Variants in DPP6 observed in about 807,000 individuals in gnomAD.
DPP6 encodes A-type potassium channel modulatory protein DPP6.
A neutral mutation model predicts 122.6 loss-of-function variants in DPP6; 69 were observed. That is an observed-to-expected ratio of 0.56 (90% CI 0.46 to 0.69). The LOEUF (loss-of-function observed/expected upper bound fraction) is 0.69. DPP6 is among the 30% of genes least tolerant of loss of function. The pLI is 0.00. For synonymous variants in DPP6, 418 were observed against 433.1 expected, an observed-to-expected ratio of 0.97 and a Z score of 0.43; for missense variants, 928 against 1,116.9, an observed-to-expected ratio of 0.83 and a Z score of 2.41.
intron 1 of DPP6, among the ~76,000 whole-genome samples, chr7:154,342,222 C>G (rs2879062): frequency 0.11 from 17,142 of 152,128 alleles, 1,431 homozygotes; most frequent in African/African-American, 0.23. Flanking sequence ...AACCAGGTTA[C>G]GGTCAGCAGC....
chr7:153,812,081 G>A, the DPP6 span, among the ~76,000 whole-genome samples: 11 of 152,014 alleles, frequency 7.2e-5, no homozygotes, highest in Admixed American at 3.3e-4. Context: ...ATTTTCCACC[G>A]GATCTCCGTG....
chr7:154,374,159 T>A (rs2151126950), intron 1 of DPP6, among the ~76,000 whole-genome samples: 1 of 151,936 alleles, frequency 6.6e-6, no homozygotes, highest in Admixed American at 6.5e-5. Flanking sequence ...GATTTTGGAG[T>A]TAGACAGACT....
At chr7:154,389,445 C>A (rs1814419244) in intron 1 of DPP6, among the ~76,000 whole-genome samples, 1 of 99,578 alleles carries the variant, frequency 1.0e-5, no homozygotes, top group South Asian at 4.0e-4. Flanking sequence ...AAGAAGTTTT[C>A]CTTAAATTTT....
At chr7:154,837,306 T>C (rs976943259) in intron 16 of DPP6, among the ~76,000 whole-genome samples, 2 of 149,792 alleles carry the variant, frequency 1.3e-5, no homozygotes, top group Non-Finnish European at 3.0e-5. Context: ...CATGCACACA[T>C]GCACACAAAC....
At chr7:153,870,936 G>A in the DPP6 span, among the ~76,000 whole-genome samples, 10 of 152,184 alleles carry the variant, frequency 6.6e-5, no homozygotes, top group African/African-American at 2.4e-4. Context: ...GTTTGCTTGG[G>A]TATCAGCAGC....
rs551373222 is a variant in DPP6 at position 154,421,720 on chromosome 7, A to G, written c.244-24494A>G. Among the ~76,000 whole-genome samples the G allele has an allele frequency of 1.8e-4, 28 of 152,334 alleles. No homozygotes were observed. In the South Asian group the frequency reaches 5.4e-3, roughly 29 times the overall value. ...AGACTTTGATGTGTATGAGTTGTAA[A>G]GTAACATAATAGATCCAAATGACAC... On this transcript the variant is annotated intron_variant, in intron 1 of 25. Transcript: ENST00000377770.
At chr7:154,878,699 T>C (rs1366052718) in intron 20 of DPP6, among the ~76,000 whole-genome samples, 1 of 152,106 alleles carries the variant, frequency 6.6e-6, no homozygotes, top group Non-Finnish European at 1.5e-5. Context: ...GGAAGGGAGC[T>C]CGTCCCACCC....
intron 8 of DPP6, among the ~76,000 whole-genome samples, chr7:154,749,618 A>C (rs1482493214): frequency 1.5e-5 from 2 of 134,586 alleles, no homozygotes; most frequent in Admixed American, 7.5e-5. Context: ...CTTTACTGTG[A>C]GAGTGTGAGG....
intron 1 of DPP6, among the ~76,000 whole-genome samples, chr7:153,897,555 C>T (rs1051895106): frequency 1.3e-5 from 2 of 152,164 alleles, no homozygotes; most frequent in African/African-American, 4.8e-5. Context: ...ATTTTCTTAT[C>T]CCTACTTCAC....
chr7:154,159,022 T>A (rs543896377), intron 1 of DPP6, among the ~76,000 whole-genome samples: 12 of 152,210 alleles, frequency 7.9e-5, no homozygotes, highest in African/African-American at 2.6e-4. Context: ...GTTCAGTTCC[T>A]CCAGAGAATC....
In DPP6 at chr7:154,149,940, T is replaced by C. The variant is rs371044985; in HGVS notation, c.243+96877T>C. ...ATACATTGCTTCCCACACAAGCTCA[T>C]TGGGAGAAGGCGGCTCTTTTTTTCT... is the stretch of plus-strand genomic sequence containing the variant. On this transcript the variant is annotated intron_variant, in intron 1 of 25. Coordinates refer to ENST00000377770, the MANE Select transcript of DPP6 (RefSeq NM_130797.4). Among the ~76,000 whole-genome samples, 247 of 152,162 alleles carry C rather than the reference T, an allele frequency of 1.6e-3. 1 individual carries two copies. Among genetic ancestry groups the C allele is most frequent in the African/African-American group, 5.7e-3 (237 of 41,528 alleles).
intron 1 of DPP6, among the ~76,000 whole-genome samples, chr7:154,220,037 G>A (rs1196800524): frequency 1.3e-5 from 2 of 152,106 alleles, no homozygotes; most frequent in Admixed American, 1.3e-4. Context: ...TTATATTCTT[G>A]TACATTTCAA....
At chr7:154,807,856 T>A (rs1358984172) in intron 16 of DPP6, among the ~76,000 whole-genome samples, 1 of 152,128 alleles carries the variant, frequency 6.6e-6, no homozygotes, top group Non-Finnish European at 1.5e-5. Context: ...ATTGAGGTTA[T>A]GTTAAAGAAG....
the DPP6 span, among the ~76,000 whole-genome samples, chr7:153,868,347 C>G: frequency 6.6e-6 from 1 of 152,066 alleles, no homozygotes; most frequent in South Asian, 2.1e-4. Flanking sequence ...TTGGTCTATT[C>G]AGAGATTCAA....
chr7:154,254,764 C>A (rs114300311), intron 1 of DPP6, among the ~76,000 whole-genome samples: 2 of 151,876 alleles, frequency 1.3e-5, no homozygotes, highest in Non-Finnish European at 2.9e-5. Flanking sequence ...AACAAAAATA[C>A]GAGCTTCAAT....
At chr7:154,658,264 T>G (rs1337102725) in intron 6 of DPP6, among the ~76,000 whole-genome samples, 1 of 152,210 alleles carries the variant, frequency 6.6e-6, no homozygotes, top group African/African-American at 2.4e-5. Context: ...TTTGGAAAAC[T>G]GAGGGCAGGG....
intron 1 of DPP6, among the ~76,000 whole-genome samples, chr7:154,406,245 T>C (rs575810076): frequency 2.0e-5 from 3 of 152,318 alleles, no homozygotes; most frequent in African/African-American, 7.2e-5. Context: ...TACAGTGTGC[T>C]TTTCATACGG....
At chr7:154,566,408 A>G (rs897515834) in intron 4 of DPP6, among the ~76,000 whole-genome samples, 2 of 152,012 alleles carry the variant, frequency 1.3e-5, no homozygotes, top group Admixed American at 6.5e-5. Flanking sequence ...CAGCCTCCCA[A>G]GTATCTGGGT....
At chr7:154,436,437 C>T (rs1440767730) in intron 1 of DPP6, among the ~76,000 whole-genome samples, 1 of 152,020 alleles carries the variant, frequency 6.6e-6, no homozygotes, top group Non-Finnish European at 1.5e-5. Context: ...TATACGCCCT[C>T]TTGACACATG....
Sources: gnomAD v4.1 joint callset for allele counts (sites outside exome capture counted in the v4.1 genomes callset) on GRCh38, gnomAD v4.1.1 for gene constraint, MANE v1.5 for transcripts, NCBI Gene and HGNC (gene_info 2026-07-23, HGNC 2026-07-21) for gene names.